The following KDM4B variants were observed in gnomAD, a reference collection of about 807,000 sequenced individuals.
KDM4B encodes lysine demethylase 4B, also known as lysine-specific demethylase 4B.
In KDM4B, 32 loss-of-function variants were observed where a neutral mutation model predicts 125.2. The ratio of observed to expected loss-of-function variants is 0.26; its 90% confidence interval spans 0.19 to 0.34. KDM4B has a LOEUF of 0.34. KDM4B is among the 10% of genes least tolerant of loss of function. The pLI is 1.00. For missense variants in KDM4B, 1,190 were observed against 1,577.7 expected, an observed-to-expected ratio of 0.75 and a Z score of 4.16; for synonymous variants, 721 against 677.9, an observed-to-expected ratio of 1.06 and a Z score of -0.99.
chr19:5,070,839 G>A (rs769689295), intron 6 of KDM4B, 171 bp from the exon 7 acceptor site: 23 of 556,466 alleles, frequency 4.1e-5, no homozygotes, highest in South Asian at 1.0e-4. Context: ...TACGGATTCC[G>A]TCCTGAAAGC....
chr19:5,033,013 C>G lies in KDM4B; in HGVS notation c.123C>G (p.His41Gln). The G allele has an allele frequency of 6.2e-7, 1 of 1,613,662 alleles. No individual in the cohort carries two copies. The highest frequency in any genetic ancestry group is 8.5e-7 in the Non-Finnish European group (1 of 1,179,908). Residue 41 changes from histidine (H) to glutamine (Q), a missense_variant, in exon 3 of 23, where the codon CAC becomes CAG. Physicochemically the swap from His to Gln is conservative, Grantham distance 24. Transcript: ENST00000159111. ...CCTACATAGAGTCGCAGGGAGCCCACCGGGCGGGCCTGGCCAAGGTGGGTG... is the reference window on the plus strand; with the variant it reads ...CCTACATAGAGTCGCAGGGAGCCCAGCGGGCGGGCCTGGCCAAGGTGGGTG... Reference protein sequence around the residue: ...YVAYIESQGAHRAGLAKIIPP... With the variant: ...YVAYIESQGAQRAGLAKIIPP...
intron 3 of KDM4B, among the ~76,000 whole-genome samples, chr19:5,037,039 A>G (rs1433734328): frequency 1.3e-5 from 2 of 152,226 alleles, no homozygotes; most frequent in African/African-American, 2.4e-5. Flanking sequence ...CGTGGAAGGG[A>G]CAGATGAGCA....
At chr19:5,027,567 G>A (rs1483649792) in intron 2 of KDM4B, among the ~76,000 whole-genome samples, 6 of 139,310 alleles carry the variant, frequency 4.3e-5, no homozygotes, top group Non-Finnish European at 7.6e-5. Context: ...TTTTTGAGAC[G>A]GAGTTTCTCG....
intron 6 of KDM4B, among the ~76,000 whole-genome samples, chr19:5,060,837 G>A (rs1003469941): frequency 4.7e-4 from 72 of 152,338 alleles, no homozygotes; most frequent in Admixed American, 2.7e-3. Flanking sequence ...TCCTGGCGAG[G>A]CTGAGGGAAA....
chr19:5,131,209 C>G lies in KDM4B; in HGVS notation c.1449C>G (p.Ser483=). The G allele has an allele frequency of 6.2e-7, 1 of 1,605,108 alleles. No individual in the cohort carries two copies. The highest frequency in any genetic ancestry group is 8.5e-7 in the Non-Finnish European group (1 of 1,176,346). Reference sequence around the variant, plus strand: ...CAGAGGAGGCGCTGTGGCTGCCATCCCCACTGGAGCCCCCGGTGCTGGGCC... The same window carrying G: ...CAGAGGAGGCGCTGTGGCTGCCATCGCCACTGGAGCCCCCGGTGCTGGGCC... ...FPSEEALWLP[S]PLEPPVLGPG... is the part of the protein sequence containing the mutation. The change falls in exon 12 of 23, where the codon TCC becomes TCG. Residue 483 remains serine, a synonymous_variant. Transcript: ENST00000159111.
chr19:5,066,122 T>C (rs1314634983), intron 6 of KDM4B, among the ~76,000 whole-genome samples: 2 of 152,170 alleles, frequency 1.3e-5, no homozygotes, highest in African/African-American at 4.8e-5. Flanking sequence ...CCTCAGTTGC[T>C]CTCTGCTTCT....
chr19:4,996,983 C>A (rs1351110452), intron 1 of KDM4B, among the ~76,000 whole-genome samples: 1 of 151,832 alleles, frequency 6.6e-6, no homozygotes, highest in African/African-American at 2.4e-5. Context: ...CCCAGACCTC[C>A]CAGTGTTCCC....
chr19:4,985,293 C>T (rs2034789005), intron 1 of KDM4B, among the ~76,000 whole-genome samples: 1 of 152,152 alleles, frequency 6.6e-6, no homozygotes, highest in African/African-American at 2.4e-5. Flanking sequence ...CATTGCGCTC[C>T]AGCCTGGGCA....
At chr19:4,990,296 AC>A (rs956662167) in intron 1 of KDM4B, among the ~76,000 whole-genome samples, 6 of 152,140 alleles carry the variant, frequency 3.9e-5, no homozygotes, top group African/African-American at 1.4e-4. Context: ...TCCCCGCCCC[AC>A]AAAAAGAGGG....
chr19:5,075,114 C>T (rs574340632), intron 7 of KDM4B: 1 of 152,594 alleles, frequency 6.6e-6, no homozygotes, highest in East Asian at 1.9e-4. Context: ...AGTGCCCCTC[C>T]TGGTCCACAT....
At chr19:5,145,031 G>A (rs1253029877) in intron 21 of KDM4B, 129 bp downstream of exon 21, 25 of 1,231,946 alleles carry the variant, frequency 2.0e-5, no homozygotes, top group Non-Finnish European at 2.9e-5. Flanking sequence ...GCCATGGTTA[G>A]TGAGGCCCGC....
rs1306391352 is a variant in KDM4B, at chr19:5,033,032, G to A, written c.141+1G>A. The A allele has an allele frequency of 6.2e-7, 1 of 1,613,196 alleles. No homozygotes were observed. Among genetic ancestry groups the A allele is most frequent in the Non-Finnish European group, 8.5e-7 (1 of 1,179,734 alleles). ...AGCCCACCGGGCGGGCCTGGCCAAG[G>A]TGGGTGACATCCTGGCCCCAGCGCG... On this transcript the variant is annotated splice_donor_variant, in intron 3 of 22. Coordinates refer to ENST00000159111, the MANE Select transcript of KDM4B (RefSeq NM_015015.3). LOFTEE classifies it high-confidence loss of function.
intron 1 of KDM4B, among the ~76,000 whole-genome samples, chr19:4,975,883 G>A (rs1255402048): frequency 6.7e-6 from 1 of 149,900 alleles, no homozygotes; most frequent in Non-Finnish European, 1.5e-5. Flanking sequence ...GTGACCCACC[G>A]TGCCCAGCCT....
At chr19:5,015,461 A>G (rs2035863296) in intron 1 of KDM4B, among the ~76,000 whole-genome samples, 1 of 152,152 alleles carries the variant, frequency 6.6e-6, no homozygotes, top group Non-Finnish European at 1.5e-5. Flanking sequence ...CATGTTGACC[A>G]GGCTGGTCTT....
intron 3 of KDM4B, among the ~76,000 whole-genome samples, 181 bp from the exon 4 acceptor site, chr19:5,039,655 G>A (rs2036740795): frequency 6.6e-6 from 1 of 152,094 alleles, no homozygotes; most frequent in Non-Finnish European, 1.5e-5. Context: ...GCCCTTGTTG[G>A]CTGCAGAGTC....
chr19:5,137,456 G>T, intron 16 of KDM4B, 118 bp downstream of exon 16: 1 of 1,223,548 alleles, frequency 8.2e-7, no homozygotes, highest in African/African-American at 1.5e-5. Context: ...CTTCACCTCT[G>T]CCCTGAGGGG....
intron 6 of KDM4B, among the ~76,000 whole-genome samples, chr19:5,063,788 G>A (rs949467012): frequency 3.9e-5 from 6 of 152,260 alleles, no homozygotes; most frequent in East Asian, 1.9e-4. Flanking sequence ...GGCCATTTCC[G>A]TGGACGGAGT....
intron 1 of KDM4B, among the ~76,000 whole-genome samples, chr19:5,001,574 G>A (rs926628473): frequency 6.6e-6 from 1 of 152,236 alleles, no homozygotes; most frequent in African/African-American, 2.4e-5. Flanking sequence ...TTTCACATTG[G>A]TGGAAGGGTA....
chr19:5,040,956 C>T (rs1198659929), intron 4 of KDM4B, among the ~76,000 whole-genome samples, 181 bp from the exon 5 acceptor site: 3 of 152,212 alleles, frequency 2.0e-5, no homozygotes, highest in Non-Finnish European at 4.4e-5. Context: ...ACTGCTCGCC[C>T]GTGGAAGTGC....
Sources: gnomAD v4.1 joint callset for allele counts (sites outside exome capture counted in the v4.1 genomes callset) on GRCh38, gnomAD v4.1.1 for gene constraint, MANE v1.5 for transcripts, NCBI Gene and HGNC (gene_info 2026-07-23, HGNC 2026-07-21) for gene names.